The following SND1 variants were observed in gnomAD, a reference collection of about 807,000 sequenced individuals.
SND1 encodes the protein staphylococcal nuclease domain-containing protein 1.
SND1 carries 38 observed loss-of-function variants against 121.7 expected under a neutral mutation model. The ratio of observed to expected loss-of-function variants is 0.31; its 90% confidence interval spans 0.24 to 0.41. The LOEUF (loss-of-function observed/expected upper bound fraction) is 0.41, where lower values mean the gene tolerates loss of function less well. Ranked by LOEUF, SND1 falls within the 10% of genes least tolerant of loss-of-function variation. The pLI is 1.00. For synonymous variants in SND1, 401 were observed against 447.4 expected, an observed-to-expected ratio of 0.90 and a Z score of 1.31; for missense variants, 868 against 1,184.6, an observed-to-expected ratio of 0.73 and a Z score of 3.92.
chr7:128,003,996 G>T (rs1802900567), intron 16 of SND1, among the ~76,000 whole-genome samples: 1 of 150,932 alleles, frequency 6.6e-6, no homozygotes, highest in Admixed American at 6.6e-5. Flanking sequence ...CCTAATCTCA[G>T]CATTTCCACT....
chr7:127,996,541 A>G (rs535581016), intron 16 of SND1, among the ~76,000 whole-genome samples: 4 of 152,280 alleles, frequency 2.6e-5, no homozygotes, highest in Admixed American at 1.3e-4. Context: ...TAGCAAAGTT[A>G]TATCTCTGGA....
At chr7:127,690,131 G>A (rs760459365) in intron 2 of SND1, among the ~76,000 whole-genome samples, 8 of 151,898 alleles carry the variant, frequency 5.3e-5, no homozygotes, top group Admixed American at 3.9e-4. Flanking sequence ...TATGCTCTCA[G>A]ATTTTTTTGA....
At chr7:128,036,285 A>G (rs756699473) in intron 16 of SND1, among the ~76,000 whole-genome samples, 2 of 152,192 alleles carry the variant, frequency 1.3e-5, no homozygotes, top group African/African-American at 4.8e-5. Context: ...TTTCTGTTTA[A>G]TAAGTAAAAT....
chr7:127,825,695 C>T lies in SND1; in HGVS notation c.1242+18122C>T, dbSNP rs181694590. On this transcript the variant is annotated intron_variant, in intron 11 of 23. Transcript: ENST00000354725. ...GTGTGGGATTACAGGCGTGAGCCACCGCACCTGGCCAGAACATACCTGAAC... is the reference window on the plus strand; with the variant it reads ...GTGTGGGATTACAGGCGTGAGCCACTGCACCTGGCCAGAACATACCTGAAC... 8.2e-4 allele frequency among the ~76,000 whole-genome samples: 125 copies of T among 151,966 alleles called. 6 individuals are homozygous for T. The highest frequency in any genetic ancestry group is 7.8e-3 in the Admixed American group (119 of 15,260).
intron 17 of SND1, 66 bp downstream of exon 17, chr7:128,074,756 C>T: frequency 1.4e-6 from 2 of 1,442,618 alleles, no homozygotes; most frequent in East Asian, 2.5e-5. Flanking sequence ...AATGCTGCTG[C>T]CTCCAGAGAA....
intron 10 of SND1, 151 bp downstream of exon 10, chr7:127,721,551 T>G: frequency 1.9e-6 from 1 of 523,596 alleles, no homozygotes; most frequent in Non-Finnish European, 3.4e-6. Context: ...CTAATATTTA[T>G]AGCCTGACTA....
chr7:127,823,746 CTT>C (rs11341770), intron 11 of SND1, among the ~76,000 whole-genome samples: 3 of 150,510 alleles, frequency 2.0e-5, no homozygotes, highest in African/African-American at 7.3e-5. Flanking sequence ...ACAAACTGTT[CTT>C]TTTTTTTTCT....
At chr7:127,964,699 G>A (rs2116876183) in intron 15 of SND1, among the ~76,000 whole-genome samples, 2 of 150,422 alleles carry the variant, frequency 1.3e-5, no homozygotes, top group East Asian at 3.9e-4. Context: ...GATGCCTCCA[G>A]CTTTGTTCTT....
At chr7:127,865,577 T>C (rs1251170066) in intron 12 of SND1, among the ~76,000 whole-genome samples, 3 of 152,134 alleles carry the variant, frequency 2.0e-5, no homozygotes, top group Non-Finnish European at 2.9e-5. Flanking sequence ...AGGGACTGTC[T>C]TGATTCTGTA....
intron 1 of SND1, among the ~76,000 whole-genome samples, chr7:127,681,937 G>A (rs947610371): frequency 5.9e-5 from 9 of 152,174 alleles, no homozygotes; most frequent in African/African-American, 7.2e-5. Context: ...GGATATGCCC[G>A]TTAAACCAGT....
chr7:127,830,309 G>T (rs1798715290), intron 11 of SND1, among the ~76,000 whole-genome samples: 1 of 152,056 alleles, frequency 6.6e-6, no homozygotes, highest in South Asian at 2.1e-4. Context: ...CCTGAACCCA[G>T]GAGGCAGAGG....
At chr7:128,020,687 A>G (rs1339782162) in intron 16 of SND1, among the ~76,000 whole-genome samples, 1 of 152,224 alleles carries the variant, frequency 6.6e-6, no homozygotes, top group Non-Finnish European at 1.5e-5. Flanking sequence ...CTCGGCTGAC[A>G]TAACACCACT....
At chr7:127,971,889 C>T (rs1266182031) in intron 15 of SND1, among the ~76,000 whole-genome samples, 1 of 151,584 alleles carries the variant, frequency 6.6e-6, no homozygotes, top group African/African-American at 2.4e-5. Flanking sequence ...TCTCCTGCCT[C>T]AGCCTCCCAA....
intron 10 of SND1, among the ~76,000 whole-genome samples, chr7:127,757,318 C>A (rs1797215552): frequency 6.6e-6 from 1 of 152,138 alleles, no homozygotes; most frequent in African/African-American, 2.4e-5. Context: ...ACAGTTTATT[C>A]TCTTGTTAAT....
intron 16 of SND1, chr7:128,031,866 C>A (rs1307973609): frequency 3.3e-5 from 5 of 150,624 alleles, no homozygotes; most frequent in African/African-American, 1.2e-4. Context: ...GCTCCCGGCG[C>A]CCTCAGTGGC....
At chr7:127,779,828 C>A (rs956506849) in intron 10 of SND1, among the ~76,000 whole-genome samples, 3 of 152,190 alleles carry the variant, frequency 2.0e-5, no homozygotes, top group African/African-American at 7.2e-5. Context: ...TCTTTCTTAT[C>A]ATTTGTGTGC....
chr7:127,736,719 G>A (rs1020346677), intron 10 of SND1, among the ~76,000 whole-genome samples: 2 of 152,202 alleles, frequency 1.3e-5, no homozygotes, highest in African/African-American at 2.4e-5. Flanking sequence ...GAAGCAGGCT[G>A]TGATCCAGGC....
chr7:127,874,020 A>G lies in SND1; in HGVS notation c.1344-13882A>G, dbSNP rs1799643923. ...TGCAAAGGGCCAAGAAGCAGGATGC[A>G]GATTTGTTGTCTTAATTAGGAGCAG... On this transcript the variant is annotated intron_variant, in intron 12 of 23. Transcript: ENST00000354725. Among the ~76,000 whole-genome samples the G allele has an allele frequency of 2.6e-5, 4 of 152,206 alleles. No homozygotes were observed. In the South Asian group the frequency reaches 8.3e-4, roughly 31 times the overall value.
chr7:127,878,743 T>C (rs1375936954), intron 12 of SND1, among the ~76,000 whole-genome samples: 4 of 152,096 alleles, frequency 2.6e-5, no homozygotes, highest in African/African-American at 4.8e-5. Context: ...ATTTAAAAAA[T>C]CAATTTCAGT....
Sources: allele counts gnomAD v4.1 joint callset (sites outside exome capture counted in the v4.1 genomes callset), GRCh38; gene constraint gnomAD v4.1.1; transcripts MANE v1.5; gene names NCBI Gene and HGNC (gene_info 2026-07-23, HGNC 2026-07-21).